The following USP32 variants were observed in gnomAD, a reference collection of about 807,000 sequenced individuals.
The protein encoded by USP32 is ubiquitin carboxyl-terminal hydrolase 32.
A neutral mutation model predicts 204.8 loss-of-function variants in USP32; 59 were observed. That is an observed-to-expected ratio of 0.29 (90% CI 0.23 to 0.36). USP32 has a LOEUF of 0.36. Ranked by LOEUF, USP32 falls within the 10% of genes least tolerant of loss-of-function variation. The pLI is 1.00. For synonymous variants in USP32, 517 were observed against 678.4 expected (o/e 0.76, Z 3.70); for missense variants, 1,160 against 1,946.4 (o/e 0.60, Z 7.60).
At chr17:60,338,867 G>A (rs761229583) in intron 2 of USP32, among the ~76,000 whole-genome samples, 14 of 152,116 alleles carry the variant, frequency 9.2e-5, no homozygotes, top group South Asian at 4.1e-4. Context: ...ACATGGTTAC[G>A]ATTATAAGCA....
rs778610650 is a variant in USP32, at chr17:60,183,248, G to A, written c.4040C>T (p.Ala1347Val). The A allele has an allele frequency of 1.1e-5, 17 of 1,613,870 alleles. No individual in the cohort carries two copies. In the East Asian group the frequency reaches 1.6e-4, roughly 15 times the overall value. The change falls in exon 31 of 34, where the codon GCG becomes GTG. Residue 1347 changes from alanine (A) to valine (V), a missense_variant. Ala to Val is a moderately conservative substitution (Grantham distance 64). Coordinates refer to ENST00000300896, the MANE Select transcript of USP32 (RefSeq NM_032582.4). ...GTCCTCTTCCCCAGCCGAACTCTGC[G>A]CATCCACTTTCTTCACCTCCCTTGC... is the stretch of plus-strand genomic sequence containing the variant. ...ILAREVKKVD[A>V]QSSAGEEDVL...
At chr17:60,338,501 C>T (rs977374471) in intron 2 of USP32, among the ~76,000 whole-genome samples, 1 of 152,082 alleles carries the variant, frequency 6.6e-6, no homozygotes, top group South Asian at 2.1e-4. Context: ...GAAGTCGAGG[C>T]AGGGTGATCA....
intron 5 of USP32, among the ~76,000 whole-genome samples, chr17:60,280,604 G>T (rs985757645): frequency 2.0e-5 from 3 of 152,142 alleles, no homozygotes; most frequent in Admixed American, 2.0e-4. Context: ...GTTAAAAATT[G>T]TAATTCCTTT....
At chr17:60,239,325 G>C (rs936730197) in intron 11 of USP32, among the ~76,000 whole-genome samples, 7 of 152,152 alleles carry the variant, frequency 4.6e-5, no homozygotes, top group Non-Finnish European at 7.4e-5. Context: ...GGATCACTTT[G>C]TTTATCTTTC....
At chr17:60,328,524 G>A (rs181442960) in intron 2 of USP32, among the ~76,000 whole-genome samples, 6 of 152,296 alleles carry the variant, frequency 3.9e-5, no homozygotes, top group African/African-American at 1.4e-4. Context: ...CCCTCCATCT[G>A]CATACCTCAT....
intron 2 of USP32, among the ~76,000 whole-genome samples, chr17:60,344,051 T>C (rs58605502): frequency 0.33 from 49,787 of 149,452 alleles, 15,009 homozygotes; most frequent in African/African-American, 0.81. Flanking sequence ...AAAAAGAAAA[T>C]AAAAAGAAAT....
rs748987731 is a variant in USP32, at chr17:60,205,477, T to C, written c.3219A>G (p.Thr1073=). The change falls in exon 26 of 34, where the codon ACA becomes ACG. Residue 1073 remains threonine, a synonymous_variant. Coordinates refer to ENST00000300896, the MANE Select transcript of USP32 (RefSeq NM_032582.4). ...TTCGGTGGACTGCAATGATGTAACC[T>C]GTAAAGGGGCTGTCAGGAAGAGATG... is the stretch of plus-strand genomic sequence containing the variant. ...HMPSLPDSPF[T]GYIIAVHRKM... 1 of 1,612,896 alleles carries C rather than the reference T, an allele frequency of 6.2e-7. No homozygotes were observed. The highest frequency in any genetic ancestry group is 8.5e-7 in the Non-Finnish European group (1 of 1,179,096).
chr17:60,247,607 T>G (rs1369700092), intron 11 of USP32, among the ~76,000 whole-genome samples: 1 of 152,234 alleles, frequency 6.6e-6, no homozygotes, highest in Non-Finnish European at 1.5e-5. Flanking sequence ...CTCTAATGTA[T>G]GCTCTTGGCA....
chr17:60,394,238 C>G (rs758891943), upstream of USP32, among the ~76,000 whole-genome samples: 6 of 152,244 alleles, frequency 3.9e-5, no homozygotes, highest in South Asian at 2.1e-4. Flanking sequence ...GTGCGAGTTC[C>G]GAGTTAGATT....
intron 1 of USP32, among the ~76,000 whole-genome samples, chr17:60,377,809 C>A (rs565964034): frequency 6.6e-6 from 1 of 152,242 alleles, no homozygotes; most frequent in African/African-American, 2.4e-5. Context: ...GAGTAGGGTT[C>A]TTTCTATTCT....
intron 2 of USP32, among the ~76,000 whole-genome samples, chr17:60,331,798 T>C (rs886902693): frequency 6.7e-6 from 1 of 148,814 alleles, no homozygotes; most frequent in Non-Finnish European, 1.5e-5. Flanking sequence ...CTCAGGAGGC[T>C]GAGGCTGGAG....
intron 12 of USP32, among the ~76,000 whole-genome samples, chr17:60,227,459 A>T (rs897785165): frequency 6.6e-6 from 1 of 151,854 alleles, no homozygotes; most frequent in Non-Finnish European, 1.5e-5. Context: ...TCATAGAGAT[A>T]GGGTTTCACC....
chr17:60,303,310 T>C (rs2145896453), intron 2 of USP32, among the ~76,000 whole-genome samples: 1 of 151,942 alleles, frequency 6.6e-6, no homozygotes, highest in East Asian at 1.9e-4. Flanking sequence ...CAGGAAAACA[T>C]AATGGCCCCA....
intron 11 of USP32, among the ~76,000 whole-genome samples, chr17:60,251,608 C>T (rs2086169401): frequency 6.6e-6 from 1 of 152,116 alleles, no homozygotes; most frequent in African/African-American, 2.4e-5. Context: ...AAATGTGTAG[C>T]ATAATAGCAA....
At chr17:60,221,456 C>G (rs1309127472) in intron 15 of USP32, among the ~76,000 whole-genome samples, 1 of 151,832 alleles carries the variant, frequency 6.6e-6, no homozygotes, top group Non-Finnish European at 1.5e-5. Context: ...CAAAACCTTC[C>G]TGGCATAAGG....
At chr17:60,366,948 C>T (rs1411761237) in intron 1 of USP32, among the ~76,000 whole-genome samples, 3 of 151,974 alleles carry the variant, frequency 2.0e-5, no homozygotes, top group Middle Eastern at 3.2e-3. Flanking sequence ...CTAAGCCTCC[C>T]GAGTAGCTGG....
chr17:60,187,689 A>G (rs2084283929), intron 29 of USP32, among the ~76,000 whole-genome samples: 1 of 152,260 alleles, frequency 6.6e-6, no homozygotes. Context: ...AAGACAGGAA[A>G]GAAGGCTGAT....
chr17:60,195,207 C>G (rs1422836945), intron 27 of USP32, among the ~76,000 whole-genome samples: 3 of 152,222 alleles, frequency 2.0e-5, no homozygotes, highest in East Asian at 3.8e-4. Context: ...TCACCAAAGA[C>G]CATTTTATCA....
At chr17:60,311,859 G>A (rs1399848972) in intron 2 of USP32, among the ~76,000 whole-genome samples, 1 of 152,052 alleles carries the variant, frequency 6.6e-6, no homozygotes, top group Non-Finnish European at 1.5e-5. Context: ...GATATGTGTA[G>A]GTCTCCAGAG....
Sources: gnomAD v4.1 joint callset for allele counts (sites outside exome capture counted in the v4.1 genomes callset) on GRCh38, gnomAD v4.1.1 for gene constraint, MANE v1.5 for transcripts, NCBI Gene and HGNC (gene_info 2026-07-23, HGNC 2026-07-21) for gene names.